The following NRCAM variants were observed in gnomAD, a reference collection of about 807,000 sequenced individuals.
NRCAM encodes the protein NgCAM-related cell adhesion molecule.
NRCAM carries 83 observed loss-of-function variants against 156.5 expected under a neutral mutation model. The ratio of observed to expected loss-of-function variants is 0.53; its 90% CI spans 0.44 to 0.64. The LOEUF (loss-of-function observed/expected upper bound fraction) is 0.64, where lower values mean the gene tolerates loss of function less well. NRCAM is among the 30% of genes least tolerant of loss of function. The pLI is 0.00. For missense variants in NRCAM, 1,417 were observed against 1,597.3 expected, an observed-to-expected ratio of 0.89 and a Z score of 1.92; for synonymous variants, 538 against 563.9, an observed-to-expected ratio of 0.95 and a Z score of 0.65.
At chr7:108,195,933 T>C in intron 14 of NRCAM, 61 bp from the exon 15 acceptor site, 1 of 1,084,628 alleles carries the variant, frequency 9.2e-7, no homozygotes, top group Non-Finnish European at 1.4e-6. Flanking sequence ...TATCGTTTAT[T>C]TATTGTATTT....
intron 2 of NRCAM, chr7:108,328,364 T>C (rs1257184855): frequency 1.3e-5 from 2 of 152,178 alleles, no homozygotes; most frequent in African/African-American, 4.8e-5. Context: ...AACCAGCCAG[T>C]CTCTGGACTG....
rs140144164 is a variant in NRCAM at position 108,229,627 on chromosome 7, T to G, written c.550+1404A>C. On this transcript the variant is annotated intron_variant, in intron 8 of 32. Transcript: ENST00000379028. ...GATCCTCTCATCTAGCCCAGGCCTCTAGGCAGGACTTACGCACTAAGGTTT... is the reference window on the plus strand; with the variant it reads ...GATCCTCTCATCTAGCCCAGGCCTCGAGGCAGGACTTACGCACTAAGGTTT... Among the ~76,000 whole-genome samples, 22 of 152,294 alleles carry G rather than the reference T, an allele frequency of 1.4e-4. No individual in the cohort carries two copies. The East Asian group carries it at 4.1e-3, about 28-fold the overall frequency.
chr7:108,190,040 C>T (rs1345777687), intron 19 of NRCAM, among the ~76,000 whole-genome samples: 3 of 152,176 alleles, frequency 2.0e-5, no homozygotes, highest in Admixed American at 2.0e-4. Context: ...AGCGTTTCTT[C>T]TCATAAACAT....
At chr7:108,232,851 AT>A (rs2153743971) in intron 6 of NRCAM, among the ~76,000 whole-genome samples, 1 of 152,238 alleles carries the variant, frequency 6.6e-6, no homozygotes, top group South Asian at 2.1e-4. Flanking sequence ...CTTTATTAGC[AT>A]TTTTACTGTA....
intron 3 of NRCAM, among the ~76,000 whole-genome samples, chr7:108,268,624 G>GGGGGGGGGA (rs2097199166): frequency 1.0e-5 from 1 of 98,204 alleles, no homozygotes; most frequent in African/African-American, 4.0e-5. Flanking sequence ...GGGGGTGGGG[G>GGGGGGGGGA]TGGGGGGGGG....
At chr7:108,400,047 T>C (rs991308615) in intron 1 of NRCAM, among the ~76,000 whole-genome samples, 2 of 152,196 alleles carry the variant, frequency 1.3e-5, no homozygotes, top group Non-Finnish European at 2.9e-5. Flanking sequence ...TTGATCAAGG[T>C]TGACAATGTC....
chr7:108,183,874 T>C (rs2065045726), intron 22 of NRCAM, among the ~76,000 whole-genome samples: 1 of 152,092 alleles, frequency 6.6e-6, no homozygotes, highest in Non-Finnish European at 1.5e-5. Context: ...TTTTTGAGCA[T>C]GTGTATATGC....
chr7:108,368,523 T>C (rs2099608041), intron 2 of NRCAM, among the ~76,000 whole-genome samples: 1 of 152,164 alleles, frequency 6.6e-6, no homozygotes, highest in Admixed American at 6.5e-5. Flanking sequence ...CTCTACAGAT[T>C]ACATTTATGT....
chr7:108,246,413 T>C (rs546634876), intron 3 of NRCAM, among the ~76,000 whole-genome samples: 10 of 152,130 alleles, frequency 6.6e-5, no homozygotes, highest in East Asian at 5.8e-4. Context: ...TCCTTTGTCA[T>C]AGAGAGGGTG....
intron 2 of NRCAM, among the ~76,000 whole-genome samples, chr7:108,353,444 G>C (rs1046104293): frequency 1.3e-5 from 2 of 151,908 alleles, no homozygotes; most frequent in Non-Finnish European, 2.9e-5. Flanking sequence ...TTAGACTCCT[G>C]GAGTAGTTAG....
rs192237093 is a variant in NRCAM at position 108,267,419 on chromosome 7, G to A, written c.-106-27249C>T. 2.6e-5 allele frequency among the ~76,000 whole-genome samples: 4 copies of A among 152,300 alleles called. No individual in the cohort carries two copies. The East Asian group carries it at 7.7e-4, about 29-fold the overall frequency. ...TAGGCAACCACACACTTTCGGTCAG[G>A]GTTCTTGGGCACTTGGCTTTGGGCC... On this transcript the variant is annotated intron_variant, in intron 3 of 32. Transcript: ENST00000379028.
At chr7:108,352,747 C>T (rs1220388643) in intron 2 of NRCAM, among the ~76,000 whole-genome samples, 2 of 152,134 alleles carry the variant, frequency 1.3e-5, no homozygotes. Context: ...CTTCCTTAAA[C>T]ATCCTCATTT....
At chr7:108,259,090 G>A (rs1450117353) in intron 3 of NRCAM, among the ~76,000 whole-genome samples, 4 of 152,198 alleles carry the variant, frequency 2.6e-5, no homozygotes, top group South Asian at 4.1e-4. Flanking sequence ...ACAACACAGC[G>A]TGGAACATTT....
At chr7:108,448,220 C>T (rs556420289) in intron 1 of NRCAM, among the ~76,000 whole-genome samples, 59 of 152,234 alleles carry the variant, frequency 3.9e-4, no homozygotes, top group African/African-American at 1.3e-3. Context: ...CACAACATGT[C>T]GTGTAAGTTA....
chr7:108,337,975 TC>T lies in NRCAM; in HGVS notation c.-173-25245del, dbSNP rs1197364858. On this transcript the variant is annotated intron_variant, in intron 2 of 32. Transcript: ENST00000379028. ...CCGGTTAAAAACGATTAGCGTGGCC[TC>T]CGGACTTAAGACTCAGGTGTGAGGC... Among the ~76,000 whole-genome samples the T allele has an allele frequency of 3.9e-5, 6 of 152,248 alleles. No homozygotes were observed. In the East Asian group the frequency reaches 1.2e-3, roughly 30 times the overall value.
At chr7:108,303,506 C>T (rs1488578552) in intron 3 of NRCAM, among the ~76,000 whole-genome samples, 1 of 152,186 alleles carries the variant, frequency 6.6e-6, no homozygotes, top group Non-Finnish European at 1.5e-5. Flanking sequence ...CATATAGCTG[C>T]TGGGGTGTCT....
At chr7:108,252,393 CTA>C (rs1245911890) in intron 3 of NRCAM, among the ~76,000 whole-genome samples, 1 of 152,176 alleles carries the variant, frequency 6.6e-6, no homozygotes, top group African/African-American at 2.4e-5. Flanking sequence ...TTAAATAAGA[CTA>C]TTGTAGGCCC....
chr7:108,339,037 A>G (rs2099243671), intron 2 of NRCAM, among the ~76,000 whole-genome samples: 1 of 152,246 alleles, frequency 6.6e-6, no homozygotes. Context: ...TAAGTCAAAA[A>G]AGCAAAAAGG....
intron 1 of NRCAM, among the ~76,000 whole-genome samples, chr7:108,412,124 T>C (rs1796161491): frequency 6.6e-6 from 1 of 152,204 alleles, no homozygotes; most frequent in African/African-American, 2.4e-5. Flanking sequence ...TGTTTTTCTA[T>C]CTTATTGCCA....
Sources: gnomAD v4.1 joint callset for allele counts (sites outside exome capture counted in the v4.1 genomes callset) on GRCh38, gnomAD v4.1.1 for gene constraint, MANE v1.5 for transcripts, NCBI Gene and HGNC (gene_info 2026-07-23, HGNC 2026-07-21) for gene names.